Variants in RBFOX1 observed in about 807,000 individuals in gnomAD.
RBFOX1 encodes the protein RNA binding fox-1 homolog 1.
In RBFOX1, 8 loss-of-function variants were observed where a neutral mutation model predicts 57.7. The observed-to-expected ratio is 0.14, with a 90% CI of 0.08 to 0.25. RBFOX1 has a LOEUF of 0.25. RBFOX1 is among the 10% of genes least tolerant of loss of function. The pLI, the probability that RBFOX1 is intolerant of heterozygous loss-of-function variation, is 1.00. For missense variants in RBFOX1, 611 were observed against 548.5 expected (o/e 1.11, Z -1.14); for synonymous variants, 326 against 222.4 (o/e 1.47, Z -4.15).
At chr16:5,908,189 C>CATATATACATATATACACACAT (rs2058516837) in intron 4 of RBFOX1, among the ~76,000 whole-genome samples, 6 of 90,124 alleles carry the variant, frequency 6.7e-5, no homozygotes, top group Non-Finnish European at 1.2e-4. Flanking sequence ...CATATATACA[C>CATATATACATATATACACACAT]ATATATACAT....
intron 1 of RBFOX1, among the ~76,000 whole-genome samples, chr16:6,063,782 A>G (rs2095720849): frequency 6.6e-6 from 1 of 152,104 alleles, no homozygotes; most frequent in Admixed American, 6.6e-5. Flanking sequence ...GTGGACTCCA[A>G]CTGTGTCTTT....
At chr16:5,880,532 G>A (rs1469798306) in intron 4 of RBFOX1, among the ~76,000 whole-genome samples, 3 of 152,186 alleles carry the variant, frequency 2.0e-5, no homozygotes, top group South Asian at 2.1e-4. Context: ...GAAGATTTGG[G>A]AAGAATAATA....
At chr16:7,076,629 T>G (rs2058348166) in intron 4 of RBFOX1, among the ~76,000 whole-genome samples, 1 of 152,274 alleles carries the variant, frequency 6.6e-6, no homozygotes, top group South Asian at 2.1e-4. Context: ...GCACATGAAA[T>G]TTTTTTCCTC....
At chr16:5,795,806 T>G (rs1265103521) in intron 3 of RBFOX1, among the ~76,000 whole-genome samples, 1 of 152,224 alleles carries the variant, frequency 6.6e-6, no homozygotes, top group Non-Finnish European at 1.5e-5. Context: ...CCCTTCTGTT[T>G]ACATTCATTG....
chr16:5,382,357 T>C (rs1471842891), intron 1 of RBFOX1, among the ~76,000 whole-genome samples: 1 of 152,116 alleles, frequency 6.6e-6, no homozygotes, highest in Non-Finnish European at 1.5e-5. Context: ...TACCACTTGT[T>C]TGCATTTAGT....
At chr16:5,546,373 TGAA>T (rs1190639869) in intron 2 of RBFOX1, among the ~76,000 whole-genome samples, 2 of 152,160 alleles carry the variant, frequency 1.3e-5, no homozygotes, top group African/African-American at 4.8e-5. Context: ...AAAACAGCTT[TGAA>T]GAAGAACAAA....
chr16:7,072,128 G>A, intron 4 of RBFOX1, among the ~76,000 whole-genome samples: 1 of 152,104 alleles, frequency 6.6e-6, no homozygotes, highest in African/African-American at 2.4e-5. Context: ...TGAGCTGCCT[G>A]GAACAATAGT....
chr16:7,708,175 C>T (rs1050983388), intron 14 of RBFOX1, among the ~76,000 whole-genome samples: 2 of 151,994 alleles, frequency 1.3e-5, no homozygotes, highest in Non-Finnish European at 2.9e-5. Flanking sequence ...TTTGTCTCCC[C>T]CCTCATAAAA....
chr16:6,927,231 T>TG (rs1217577935), intron 3 of RBFOX1, among the ~76,000 whole-genome samples: 1 of 151,520 alleles, frequency 6.6e-6, no homozygotes, highest in Non-Finnish European at 1.5e-5. Context: ...CTGCTGAAGC[T>TG]GCCAGTTCCC....
chr16:6,709,640 T>A (rs1404932513), intron 3 of RBFOX1, among the ~76,000 whole-genome samples: 1 of 152,152 alleles, frequency 6.6e-6, no homozygotes, highest in Non-Finnish European at 1.5e-5. Flanking sequence ...GATCTATGCT[T>A]ATTGATTTAA....
intron 4 of RBFOX1, among the ~76,000 whole-genome samples, chr16:5,876,742 G>A (rs552485239): frequency 1.3e-5 from 2 of 152,282 alleles, no homozygotes; most frequent in Non-Finnish European, 2.9e-5. Flanking sequence ...ATCAAAAGAT[G>A]TGCTCCCGGG....
intron 3 of RBFOX1, among the ~76,000 whole-genome samples, chr16:6,896,642 C>CT (rs1362428609): frequency 1.3e-5 from 2 of 152,136 alleles, no homozygotes; most frequent in Non-Finnish European, 2.9e-5. Flanking sequence ...TTCAAACGCA[C>CT]TTAGAACAGT....
chr16:7,218,656 G>GCA (rs2092460552), intron 4 of RBFOX1, among the ~76,000 whole-genome samples: 1 of 149,564 alleles, frequency 6.7e-6, no homozygotes, highest in Non-Finnish European at 1.5e-5. Flanking sequence ...GTGTGTGTGT[G>GCA]TGTGTGTGTG....
At chr16:5,543,112 G>T (rs978938323) in intron 2 of RBFOX1, among the ~76,000 whole-genome samples, 2 of 152,178 alleles carry the variant, frequency 1.3e-5, no homozygotes, top group African/African-American at 4.8e-5. Flanking sequence ...GTCTTAAAGG[G>T]ATCGAACTGT....
intron 3 of RBFOX1, among the ~76,000 whole-genome samples, chr16:5,813,395 C>G (rs887032023): frequency 4.6e-5 from 7 of 152,156 alleles, no homozygotes; most frequent in African/African-American, 1.7e-4. Context: ...GCATTCATAC[C>G]CATTCCTCCC....
At position 7,328,807 on chromosome 16, in the gene RBFOX1, G is replaced by C. The variant is rs535328612; in HGVS notation, c.28-189340G>C. ...GCAGAAAGGAACAGCAAAGGAGCGAGTATTTGCCATTGTCTTGAAGTCTGA... is the reference window on the plus strand; with the variant it reads ...GCAGAAAGGAACAGCAAAGGAGCGACTATTTGCCATTGTCTTGAAGTCTGA... On this transcript the variant is annotated intron_variant, in intron 4 of 15. Coordinates refer to ENST00000550418, the MANE Select transcript of RBFOX1 (RefSeq NM_018723.4). 3.9e-5 allele frequency: 6 copies of C among 152,230 alleles called. No homozygotes were observed. In the South Asian group the frequency reaches 1.0e-3, roughly 26 times the overall value. The allele number at this position is 152,230 out of a possible 1,614,324, so 9.4% of individuals were successfully genotyped here.
chr16:6,263,496 C>T (rs1056577512), intron 1 of RBFOX1, among the ~76,000 whole-genome samples: 1 of 152,132 alleles, frequency 6.6e-6, no homozygotes, highest in African/African-American at 2.4e-5. Flanking sequence ...AGTGCAGCCT[C>T]CATTTATGAA....
intron 3 of RBFOX1, among the ~76,000 whole-genome samples, chr16:7,047,934 A>G (rs1186854777): frequency 6.6e-6 from 1 of 151,866 alleles, no homozygotes; most frequent in Non-Finnish European, 1.5e-5. Flanking sequence ...GCTGGAGTGC[A>G]GTGGTGCAGT....
chr16:5,952,458 G>C lies in RBFOX1; in HGVS notation c.351+85123G>C, dbSNP rs567441117. 4.0e-5 allele frequency among the ~76,000 whole-genome samples: 6 copies of C among 151,730 alleles called. No individual in the cohort carries two copies. In the South Asian group the frequency reaches 1.3e-3, roughly 32 times the overall value. ...GTGCCACCATGCCCAGCTAATTTTT[G>C]GTATTTTTAATAGAGATGGGGTTTC... On this transcript the variant is annotated intron_variant, in intron 4 of 19. Transcript: ENST00000641259.
Sources: allele counts gnomAD v4.1 joint callset (sites outside exome capture counted in the v4.1 genomes callset), GRCh38; gene constraint gnomAD v4.1.1; transcripts MANE v1.5; gene names NCBI Gene and HGNC (gene_info 2026-07-23, HGNC 2026-07-21).